SGCD: variants seen among roughly 807,000 people sequenced by gnomAD.
SGCD encodes the protein sarcoglycan delta, also known as delta-sarcoglycan.
A neutral mutation model predicts 36.6 loss-of-function variants in SGCD; 18 were observed. The ratio of observed to expected loss-of-function variants is 0.49; its 90% confidence interval spans 0.34 to 0.73. The LOEUF is 0.73. Ranked by LOEUF, SGCD falls within the 30% of genes least tolerant of loss-of-function variation. The pLI, the probability that SGCD is intolerant of heterozygous loss-of-function variation, is 0.01. For missense variants in SGCD, 387 were observed against 346.7 expected (o/e 1.12, Z -0.92); for synonymous variants, 133 against 130.6 (o/e 1.02, Z -0.12).
chr5:155,801,339 A>T, the SGCD span, among the ~76,000 whole-genome samples: 1 of 152,208 alleles, frequency 6.6e-6, no homozygotes, highest in Non-Finnish European at 1.5e-5. Flanking sequence ...AGTAGAGAAG[A>T]CACAGCTCAT....
At position 156,569,314 on chromosome 5, in the gene SGCD, G is replaced by A. The variant is rs6868519; in HGVS notation, c.295-19917G>A. On this transcript the variant is annotated intron_variant, in intron 4 of 8. Coordinates refer to ENST00000337851, the MANE Select transcript of SGCD (RefSeq NM_000337.6). ...GACAAAAAAAAATAGACAATCAGCC[G>A]GGCATGGTAGCACACGCCTGTAATC... Among the ~76,000 whole-genome samples the A allele has an allele frequency of 1.4e-3, 218 of 152,062 alleles. 1 individual carries two copies. The highest frequency in any genetic ancestry group is 0.01 in the Middle Eastern group (3 of 294).
intron 1 of SGCD, among the ~76,000 whole-genome samples, chr5:156,086,835 G>A (rs780652395): frequency 6.6e-5 from 10 of 152,200 alleles, no homozygotes; most frequent in Non-Finnish European, 7.3e-5. Flanking sequence ...TTTAAAAATA[G>A]GGTATTTGGT....
At chr5:155,928,774 A>T (rs957763831) in intron 1 of SGCD, among the ~76,000 whole-genome samples, 9 of 152,062 alleles carry the variant, frequency 5.9e-5, no homozygotes, top group African/African-American at 2.2e-4. Context: ...GAAACAACTT[A>T]AAAATTGGAT....
chr5:155,875,734 C>A (rs1387466553), intron 1 of SGCD, among the ~76,000 whole-genome samples: 1 of 151,540 alleles, frequency 6.6e-6, no homozygotes, highest in Non-Finnish European at 1.5e-5. Context: ...AAGCATCTGA[C>A]ATTCCTGTGA....
At chr5:155,969,528 A>G (rs1413920226) in intron 1 of SGCD, among the ~76,000 whole-genome samples, 2 of 152,118 alleles carry the variant, frequency 1.3e-5, no homozygotes, top group Non-Finnish European at 2.9e-5. Context: ...TGGCCCAGAG[A>G]CATTGAATTT....
chr5:156,061,879 G>A (rs1427181099), intron 1 of SGCD, among the ~76,000 whole-genome samples: 1 of 141,186 alleles, frequency 7.1e-6, no homozygotes, highest in African/African-American at 2.5e-5. Context: ...ATTGAGATTG[G>A]CAGGTAAAAG....
intron 3 of SGCD, among the ~76,000 whole-genome samples, chr5:156,249,797 T>C (rs1765532117): frequency 6.6e-6 from 1 of 152,100 alleles, no homozygotes. Flanking sequence ...ATAATGTATA[T>C]ACAATTTTAT....
At chr5:156,298,661 C>T (rs1480495957) in intron 3 of SGCD, among the ~76,000 whole-genome samples, 5 of 146,722 alleles carry the variant, frequency 3.4e-5, no homozygotes, top group Non-Finnish European at 7.4e-5. Context: ...GAACTCCTGA[C>T]CTCAGATGAT....
At chr5:155,822,135 G>A in the SGCD span, among the ~76,000 whole-genome samples, 1 of 152,164 alleles carries the variant, frequency 6.6e-6, no homozygotes, top group South Asian at 2.1e-4. Context: ...TGAGGAGAGA[G>A]GCATATAAAT....
chr5:156,679,890 C>T (rs1753657982), intron 7 of SGCD, among the ~76,000 whole-genome samples: 2 of 152,224 alleles, frequency 1.3e-5, no homozygotes, highest in African/African-American at 4.8e-5. Context: ...TAGACTAATG[C>T]CTCAGGATTT....
intron 1 of SGCD, among the ~76,000 whole-genome samples, chr5:156,021,182 T>A (rs1325067829): frequency 1.3e-5 from 2 of 152,212 alleles, no homozygotes; most frequent in Admixed American, 6.5e-5. Flanking sequence ...ACCATATTTC[T>A]TTGATAGAGA....
the SGCD span, among the ~76,000 whole-genome samples, chr5:155,827,036 C>A: frequency 6.6e-6 from 1 of 152,144 alleles, no homozygotes; most frequent in Admixed American, 6.5e-5. Flanking sequence ...AAATTTAAAG[C>A]TATGTTTGAT....
intron 3 of SGCD, among the ~76,000 whole-genome samples, chr5:156,445,216 G>T (rs1467091319): frequency 6.6e-6 from 1 of 151,992 alleles, no homozygotes; most frequent in Non-Finnish European, 1.5e-5. Flanking sequence ...ATTGCCTTAT[G>T]TCGATGAGTG....
intron 3 of SGCD, among the ~76,000 whole-genome samples, chr5:156,245,416 G>A (rs1765417243): frequency 6.6e-6 from 1 of 152,126 alleles, no homozygotes; most frequent in African/African-American, 2.4e-5. Flanking sequence ...TCCCTGTTGA[G>A]ATAATAGAAC....
chr5:156,584,316 C>A (rs940619232), intron 4 of SGCD, among the ~76,000 whole-genome samples: 1 of 152,158 alleles, frequency 6.6e-6, no homozygotes, highest in Non-Finnish European at 1.5e-5. Flanking sequence ...TCTCATTTCA[C>A]CTTCTACTTT....
chr5:156,727,389 A>C (rs1378319248), intron 7 of SGCD, among the ~76,000 whole-genome samples: 1 of 152,240 alleles, frequency 6.6e-6, no homozygotes, highest in African/African-American at 2.4e-5. Flanking sequence ...GAGAAAGTTC[A>C]GAAGCCCAAC....
chr5:156,434,799 A>G (rs1200404837), intron 3 of SGCD, among the ~76,000 whole-genome samples: 1 of 152,228 alleles, frequency 6.6e-6, no homozygotes, highest in Non-Finnish European at 1.5e-5. Context: ...TAGGTTTTTC[A>G]GGCTAATTAG....
chr5:156,695,746 A>G (rs1754297311), intron 7 of SGCD, among the ~76,000 whole-genome samples: 1 of 152,224 alleles, frequency 6.6e-6, no homozygotes, highest in African/African-American at 2.4e-5. Context: ...TAATTTTTGC[A>G]TCTACTCAGT....
the SGCD span, among the ~76,000 whole-genome samples, chr5:155,756,177 G>C: frequency 6.6e-6 from 1 of 152,194 alleles, no homozygotes; most frequent in African/African-American, 2.4e-5. Context: ...AGAGAAAGCT[G>C]ATGTGACTTT....
Sources: allele counts gnomAD v4.1 joint callset (sites outside exome capture counted in the v4.1 genomes callset), GRCh38; gene constraint gnomAD v4.1.1; transcripts MANE v1.5; gene names NCBI Gene and HGNC (gene_info 2026-07-23, HGNC 2026-07-21).